PATJ: variants seen among roughly 807,000 people sequenced by gnomAD.
The protein encoded by PATJ is inaD-like protein.
Under a neutral mutation model 224.9 loss-of-function variants are expected in PATJ, and 190 were observed. The observed-to-expected ratio is 0.84, with a 90% confidence interval of 0.75 to 0.95. PATJ has a LOEUF of 0.95. PATJ is among the 40% of genes least tolerant of loss of function. PATJ has a pLI of 0.00. For synonymous variants in PATJ, 769 were observed against 820.3 expected, an observed-to-expected ratio of 0.94 and a Z score of 1.07; for missense variants, 2,121 against 2,270.3, an observed-to-expected ratio of 0.93 and a Z score of 1.34.
chr1:61,982,115 G>A (rs1299706917), intron 27 of PATJ, among the ~76,000 whole-genome samples: 3 of 151,976 alleles, frequency 2.0e-5, no homozygotes, highest in Non-Finnish European at 4.4e-5. Context: ...CTGGGAAGTG[G>A]GGGCAGGGGG....
rs193111416 is a variant in PATJ at position 61,777,559 on chromosome 1, A to C, written c.849+2225A>C. 6.9e-4 allele frequency among the ~76,000 whole-genome samples: 105 copies of C among 152,186 alleles called. 1 individual carries two copies. The highest frequency in any genetic ancestry group is 3.4e-3 in the Middle Eastern group (1 of 294). On this transcript the variant is annotated intron_variant, in intron 7 of 43. Coordinates refer to ENST00000642238, the MANE Select transcript of PATJ (RefSeq NM_001350145.3). Reference sequence around the variant, plus strand: ...AGAAAAAAAATAAAAACAAAAGAAAAGAAAGGCATTTCTGATTAGATTGTT... The same window carrying C: ...AGAAAAAAAATAAAAACAAAAGAAACGAAAGGCATTTCTGATTAGATTGTT...
Position 62,128,874 on chromosome 1 carries a change from C to A in PATJ, c.5200C>A (p.Pro1734Thr). ...GDRIVSINGQ[P>T]LDGLSHADVV... is the part of the protein sequence containing the mutation. ...TCGGATTGTCAGCATTAACGGGCAACCTTTGGATGGGCTGTCTCACGCGGA... is the reference window on the plus strand; with the variant it reads ...TCGGATTGTCAGCATTAACGGGCAAACTTTGGATGGGCTGTCTCACGCGGA... The change falls in exon 41 of 44, where the codon CCT (proline) becomes ACT (threonine). Residue 1734 changes from proline to threonine, a missense_variant. Pro to Thr is a conservative substitution (Grantham distance 38). Coordinates refer to ENST00000642238, the MANE Select transcript of PATJ (RefSeq NM_001350145.3). 1.2e-6 allele frequency: 2 copies of A among 1,613,266 alleles called. No homozygotes were observed. Among genetic ancestry groups the A allele is most frequent in the Non-Finnish European group, 1.7e-6 (2 of 1,179,296 alleles).
Position 62,084,592 on chromosome 1 carries a change from T to C in PATJ, c.4321T>C (p.Ser1441Pro). Residue 1441 changes from serine (S) to proline (P), a missense_variant, in exon 33 of 44, where the codon TCC becomes CCC. Transcript: ENST00000642238. Reference protein sequence around the residue: ...VPGQEMIIEISKGRSGLGLSI... With the variant: ...VPGQEMIIEIPKGRSGLGLSI... Reference sequence around the variant, plus strand: ...TGGACAGGAAATGATTATAGAAATATCCAAGGGACGTTCAGGGCTTGGTCT... The same window carrying C: ...TGGACAGGAAATGATTATAGAAATACCCAAGGGACGTTCAGGGCTTGGTCT... The C allele has an allele frequency of 4.3e-6, 7 of 1,613,518 alleles. No individual in the cohort carries two copies. The highest frequency in any genetic ancestry group is 2.2e-5 in the East Asian group (1 of 44,870).
At chr1:61,821,238 G>C (rs1657206721) in intron 14 of PATJ, among the ~76,000 whole-genome samples, 2 of 152,032 alleles carry the variant, frequency 1.3e-5, no homozygotes, top group East Asian at 1.9e-4. Context: ...GTAGAGACAG[G>C]GTTTCACCGT....
chr1:62,019,898 G>C (rs952000347), intron 29 of PATJ, among the ~76,000 whole-genome samples: 1 of 152,146 alleles, frequency 6.6e-6, no homozygotes, highest in African/African-American at 2.4e-5. Flanking sequence ...GCCAGGCGCG[G>C]TGGCTTGCAC....
intron 7 of PATJ, among the ~76,000 whole-genome samples, chr1:61,779,420 AT>A (rs1470544805): frequency 2.0e-5 from 3 of 152,188 alleles, no homozygotes; most frequent in Non-Finnish European, 4.4e-5. Context: ...TTGCTTGTGA[AT>A]TCTTCAACTG....
At chr1:61,982,973 A>G (rs746739377) in intron 27 of PATJ, among the ~76,000 whole-genome samples, 17 of 151,880 alleles carry the variant, frequency 1.1e-4, no homozygotes, top group East Asian at 1.9e-4. Context: ...TCTTTAGTCT[A>G]TAGTTTCTAC....
At chr1:61,831,685 T>A (rs748519036) in intron 16 of PATJ, among the ~76,000 whole-genome samples, 8 of 152,142 alleles carry the variant, frequency 5.3e-5, no homozygotes, top group Non-Finnish European at 7.4e-5. Context: ...AAATAACAGA[T>A]GCTGGGGAGG....
At chr1:61,781,119 C>G (rs1246632725) in intron 7 of PATJ, among the ~76,000 whole-genome samples, 1 of 152,160 alleles carries the variant, frequency 6.6e-6, no homozygotes, top group Non-Finnish European at 1.5e-5. Context: ...GCCACAAAGT[C>G]AGGATTGAGC....
intron 28 of PATJ, among the ~76,000 whole-genome samples, chr1:62,008,633 C>T (rs1558032524): frequency 6.6e-6 from 1 of 152,108 alleles, no homozygotes; most frequent in South Asian, 2.1e-4. Flanking sequence ...CCTGTAGTCC[C>T]AGCTACTCAG....
At chr1:61,802,647 T>C (rs1384903455) in intron 12 of PATJ, among the ~76,000 whole-genome samples, 1 of 152,196 alleles carries the variant, frequency 6.6e-6, no homozygotes, top group East Asian at 1.9e-4. Context: ...TGTTTCTTTT[T>C]CATTATACAT....
intron 38 of PATJ, among the ~76,000 whole-genome samples, 173 bp from the exon 39 acceptor site, chr1:62,122,848 C>T (rs529858458): frequency 2.6e-4 from 40 of 151,558 alleles, no homozygotes; most frequent in African/African-American, 9.7e-4. Context: ...GAGGACATGG[C>T]CCCTGGTGAC....
In PATJ at chr1:61,766,457, T is replaced by A; in HGVS notation, c.368T>A (p.Ile123Asn). Residue 123 changes from isoleucine (I) to asparagine (N), a missense_variant, in exon 4 of 44, where the codon ATT becomes AAT. Ile to Asn is a moderately radical substitution (Grantham distance 149, BLOSUM62 -3). Coordinates refer to ENST00000642238, the MANE Select transcript of PATJ (RefSeq NM_001350145.3). ...KLGNEDFNSV[I>N]QQMAQGRQIE... ...GGAAATGAAGACTTTAACTCAGTCATTCAACAGATGGCTCAGGTAAAGTTG... is the reference window on the plus strand; with the variant it reads ...GGAAATGAAGACTTTAACTCAGTCAATCAACAGATGGCTCAGGTAAAGTTG... The A allele has an allele frequency of 6.3e-7, 1 of 1,598,330 alleles. No homozygotes were observed. Among genetic ancestry groups the A allele is most frequent in the Non-Finnish European group, 8.5e-7 (1 of 1,175,528 alleles).
intron 20 of PATJ, 48 bp from the exon 21 acceptor site, chr1:61,875,195 A>AT: frequency 3.8e-6 from 5 of 1,320,612 alleles, no homozygotes; most frequent in Admixed American, 2.1e-5. Flanking sequence ...ACAGTAATAC[A>AT]TTTTTTTCAT....
chr1:61,778,834 G>T (rs573999084), intron 7 of PATJ, among the ~76,000 whole-genome samples: 2 of 152,114 alleles, frequency 1.3e-5, no homozygotes, highest in East Asian at 3.9e-4. Context: ...CCAAGTAGCT[G>T]GGACTACAGG....
intron 41 of PATJ, among the ~76,000 whole-genome samples, chr1:62,131,429 A>G (rs183264512): frequency 2.0e-5 from 3 of 152,270 alleles, no homozygotes; most frequent in Admixed American, 6.5e-5. Context: ...ATCTAGTATT[A>G]TTGATATTTT....
intron 41 of PATJ, 34 bp from the exon 42 acceptor site, chr1:62,148,250 A>G (rs774992802): frequency 1.9e-5 from 27 of 1,448,486 alleles, no homozygotes; most frequent in Non-Finnish European, 1.3e-5. Flanking sequence ...CCCCTTCTTT[A>G]TAATGAAATA....
At chr1:62,134,193 C>T (rs912951211) in intron 41 of PATJ, among the ~76,000 whole-genome samples, 5 of 149,988 alleles carry the variant, frequency 3.3e-5, no homozygotes, top group Admixed American at 6.7e-5. Context: ...CCCTTCTCAC[C>T]GTACTCTCGT....
chr1:62,061,128 C>T (rs1460111885), intron 31 of PATJ, among the ~76,000 whole-genome samples: 1 of 152,034 alleles, frequency 6.6e-6, no homozygotes, highest in Non-Finnish European at 1.5e-5. Flanking sequence ...GCCTTCCCTC[C>T]CTCTTTCTCT....
Sources: allele counts gnomAD v4.1 joint callset (sites outside exome capture counted in the v4.1 genomes callset), GRCh38; gene constraint gnomAD v4.1.1; transcripts MANE v1.5; gene names NCBI Gene and HGNC (gene_info 2026-07-23, HGNC 2026-07-21).